Variants in NRG3 observed in about 807,000 individuals in gnomAD.
NRG3 encodes neuregulin 3.
Under a neutral mutation model 66.9 loss-of-function variants are expected in NRG3, and 31 were observed. That is an observed-to-expected ratio of 0.46 (90% CI 0.35 to 0.63). NRG3 has a LOEUF of 0.63. Among genes scored for constraint, NRG3 ranks in the 20% least tolerant of loss-of-function variants. The probability of loss-of-function intolerance (pLI) is 0.00; values close to 1 mark genes in which losing one functional copy is unlikely to be tolerated. For synonymous variants in NRG3, 393 were observed against 359.4 expected, an observed-to-expected ratio of 1.09 and a Z score of -1.06; for missense variants, 910 against 878.9, an observed-to-expected ratio of 1.04 and a Z score of -0.45.
chr10:82,141,191 T>A (rs982475728), intron 1 of NRG3, among the ~76,000 whole-genome samples: 1 of 152,190 alleles, frequency 6.6e-6, no homozygotes, highest in African/African-American at 2.4e-5. Context: ...TAGGGTTATG[T>A]GTGTACATAA....
intron 1 of NRG3, among the ~76,000 whole-genome samples, chr10:82,185,373 G>T (rs1241146214): frequency 6.6e-6 from 1 of 152,066 alleles, no homozygotes; most frequent in Non-Finnish European, 1.5e-5. Context: ...ATTTAACTTA[G>T]CCAGGTCTTT....
At chr10:82,196,686 A>G (rs974451813) in intron 1 of NRG3, among the ~76,000 whole-genome samples, 5 of 152,200 alleles carry the variant, frequency 3.3e-5, no homozygotes, top group Admixed American at 2.0e-4. Context: ...CAATAAAACA[A>G]TATCCACAAT....
At chr10:82,370,988 G>A (rs1317905288) in intron 2 of NRG3, among the ~76,000 whole-genome samples, 4 of 150,984 alleles carry the variant, frequency 2.6e-5, no homozygotes, top group Non-Finnish European at 4.4e-5. Context: ...TCACACACAT[G>A]CATATACACA....
In NRG3 at chr10:82,968,687, G is replaced by A. The variant is rs182264143; in HGVS notation, c.1285-5101G>A. ...AGGGAGGGAGGGAGGCAGGGAGGGA[G>A]GAAGGGAATTACTGACTTTTAGTGA... On this transcript the variant is annotated intron_variant, in intron 6 of 8. Transcript: ENST00000372141. Among the ~76,000 whole-genome samples the A allele has an allele frequency of 1.2e-3, 178 of 152,044 alleles. 3 individuals carry two copies. The highest frequency in any genetic ancestry group is 4.0e-3 in the African/African-American group (167 of 41,514).
intron 2 of NRG3, among the ~76,000 whole-genome samples, chr10:82,487,835 G>T (rs1842806521): frequency 6.6e-6 from 1 of 152,084 alleles, no homozygotes; most frequent in South Asian, 2.1e-4. Context: ...AATTCGTGCA[G>T]CCCAGAATGA....
At chr10:82,726,504 C>T (rs1420309658) in intron 2 of NRG3, among the ~76,000 whole-genome samples, 1 of 152,140 alleles carries the variant, frequency 6.6e-6, no homozygotes, top group Non-Finnish European at 1.5e-5. Flanking sequence ...CTGCCCTGCA[C>T]AAGCTCTCTT....
At chr10:82,621,066 G>T (rs1326691768) in intron 2 of NRG3, among the ~76,000 whole-genome samples, 1 of 152,052 alleles carries the variant, frequency 6.6e-6, no homozygotes, top group Non-Finnish European at 1.5e-5. Context: ...TAATTGCCCA[G>T]TGTCACTATG....
chr10:82,397,979 A>G (rs2086822326), intron 2 of NRG3, among the ~76,000 whole-genome samples: 1 of 152,168 alleles, frequency 6.6e-6, no homozygotes, highest in Admixed American at 6.5e-5. Flanking sequence ...GTCTTTGAGC[A>G]CTTACAGTGT....
rs1479968588 is a variant in NRG3 at position 82,969,589 on chromosome 10, CTGGTTCAAGACA to C, written c.1285-4194_1285-4183del. 7.2e-5 allele frequency among the ~76,000 whole-genome samples: 11 copies of C among 152,300 alleles called. No individual in the cohort carries two copies. In the East Asian group the frequency reaches 1.9e-3, roughly 27 times the overall value. On this transcript the variant is annotated intron_variant, in intron 6 of 8. Coordinates refer to ENST00000372141, the MANE Select transcript of NRG3 (RefSeq NM_001010848.4). ...AGGTCCACTGTGAAAAATTCGGATTCTGGTTCAAGACATGGTCATTACTGCCACTATGTGGCT... is the reference window on the plus strand; with the variant it reads ...AGGTCCACTGTGAAAAATTCGGATTCTGGTCATTACTGCCACTATGTGGCT...
At chr10:82,232,722 A>G (rs1287429121) in intron 1 of NRG3, 1 of 717,126 alleles carries the variant, frequency 1.4e-6, no homozygotes, top group East Asian at 2.7e-5. Flanking sequence ...TCGAGAAAAT[A>G]AAGTATTTTC....
chr10:82,358,669 G>A, intron 1 of NRG3, 70 bp from the exon 2 acceptor site: 1 of 1,603,090 alleles, frequency 6.2e-7, no homozygotes, highest in Non-Finnish European at 8.5e-7. Context: ...GAGATCCAGA[G>A]CCAGTGACAG....
At chr10:82,561,623 A>G (rs1450141867) in intron 2 of NRG3, among the ~76,000 whole-genome samples, 1 of 152,154 alleles carries the variant, frequency 6.6e-6, no homozygotes, top group Non-Finnish European at 1.5e-5. Flanking sequence ...ACTGTGCTCC[A>G]TCCTGGGTTT....
intron 1 of NRG3, among the ~76,000 whole-genome samples, chr10:82,231,235 C>T (rs867906565): frequency 9.9e-5 from 15 of 152,018 alleles, no homozygotes; most frequent in East Asian, 1.9e-4. Flanking sequence ...CCCATCTGTT[C>T]GGGAGGCTGA....
intron 1 of NRG3, among the ~76,000 whole-genome samples, chr10:81,916,667 G>A (rs532084304): frequency 1.5e-4 from 23 of 152,238 alleles, no homozygotes; most frequent in Non-Finnish European, 3.4e-4. Context: ...AAAATACATA[G>A]TGAAGGTGGC....
At chr10:82,053,129 G>T in intron 1 of NRG3, among the ~76,000 whole-genome samples, 1 of 142,240 alleles carries the variant, frequency 7.0e-6, no homozygotes, top group South Asian at 2.1e-4. Context: ...TATTTCATTT[G>T]ATTATTTTTT....
chr10:81,894,187 A>G (rs1843297530), intron 1 of NRG3, among the ~76,000 whole-genome samples: 1 of 152,194 alleles, frequency 6.6e-6, no homozygotes, highest in African/African-American at 2.4e-5. Context: ...CTAAAAATAC[A>G]AAAATTAGCT....
chr10:82,018,184 A>T (rs537116645), intron 1 of NRG3, among the ~76,000 whole-genome samples: 15 of 152,254 alleles, frequency 9.9e-5, no homozygotes, highest in Admixed American at 9.2e-4. Context: ...CCATTTATTA[A>T]ATAGGGAATC....
chr10:82,738,078 T>TA (rs35993172), intron 2 of NRG3, among the ~76,000 whole-genome samples: 126,911 of 147,700 alleles, frequency 0.86, 54,491 homozygotes, highest in African/African-American at 0.91. Context: ...ACTAAGAGGT[T>TA]AAAAAAAAAA....
At chr10:82,091,174 CCATT>C (rs1213282705) in intron 1 of NRG3, among the ~76,000 whole-genome samples, 2 of 152,018 alleles carry the variant, frequency 1.3e-5, no homozygotes, top group Admixed American at 1.3e-4. Flanking sequence ...TTCAGTGCAA[CCATT>C]CAAACATGTG....
Sources: allele counts gnomAD v4.1 joint callset (sites outside exome capture counted in the v4.1 genomes callset), GRCh38; gene constraint gnomAD v4.1.1; transcripts MANE v1.5; gene names NCBI Gene and HGNC (gene_info 2026-07-23, HGNC 2026-07-21).